NUFIP1: variants seen among roughly 807,000 people sequenced by gnomAD.
NUFIP1 encodes nuclear FMR1 interacting protein 1, also known as FMR1-interacting protein NUFIP1.
NUFIP1 carries 38 observed loss-of-function variants against 56.2 expected under a neutral mutation model. That is an observed-to-expected ratio of 0.68 (90% CI 0.52 to 0.89). The LOEUF (loss-of-function observed/expected upper bound fraction) is 0.89. NUFIP1 is among the 40% of genes least tolerant of loss of function. The probability of loss-of-function intolerance (pLI) is 0.00; values close to 1 mark genes in which losing one functional copy is unlikely to be tolerated. For missense variants in NUFIP1, 567 were observed against 605.8 expected (o/e 0.94, Z 0.67); for synonymous variants, 215 against 212.4 (o/e 1.01, Z -0.10).
rs952274094 is a variant in NUFIP1, at chr13:44,979,978, A to T, written c.595-26T>A. On this transcript the variant is annotated intron_variant, in intron 3 of 9. Coordinates refer to ENST00000379161, the MANE Select transcript of NUFIP1 (RefSeq NM_012345.3). ...CTATGAGTTTTTAAAAGAAAAAAAAAACTATTTAACAAATGTTTTCCATGT... is the reference window on the plus strand; with the variant it reads ...CTATGAGTTTTTAAAAGAAAAAAAATACTATTTAACAAATGTTTTCCATGT... 6 of 1,543,962 alleles carry T rather than the reference A, an allele frequency of 3.9e-6. No individual in the cohort carries two copies. In the East Asian group the frequency reaches 1.3e-4, roughly 35 times the overall value.
At chr13:44,949,673 G>A (rs969719253) in intron 8 of NUFIP1, 49 bp downstream of exon 8, 1 of 1,195,012 alleles carries the variant, frequency 8.4e-7, no homozygotes, top group Non-Finnish European at 1.2e-6. Context: ...TGCACAAAAG[G>A]CAAAAAGCAA....
intron 4 of NUFIP1, 82 bp downstream of exon 4, chr13:44,979,808 G>A: frequency 1.1e-6 from 1 of 951,666 alleles, no homozygotes; most frequent in East Asian, 2.5e-5. Flanking sequence ...CTATTATTAG[G>A]TATATAAATA....
At chr13:44,953,805 T>C (rs1275478264) in intron 7 of NUFIP1, among the ~76,000 whole-genome samples, 2 of 152,194 alleles carry the variant, frequency 1.3e-5, no homozygotes, top group Non-Finnish European at 2.9e-5. Context: ...GTGCTAGGTA[T>C]ACTTGTTCCT....
intron 5 of NUFIP1, among the ~76,000 whole-genome samples, chr13:44,973,059 T>A (rs746377797): frequency 2.0e-5 from 3 of 152,260 alleles, no homozygotes; most frequent in Non-Finnish European, 4.4e-5. Context: ...TCAGGAACTT[T>A]AAATAAATAC....
chr13:44,984,964 G>C (rs1228532348), intron 1 of NUFIP1, among the ~76,000 whole-genome samples: 2 of 152,046 alleles, frequency 1.3e-5, no homozygotes, highest in African/African-American at 4.8e-5. Flanking sequence ...GTGGTGTTTG[G>C]TTTTCTGTCC....
At chr13:44,967,580 G>A (rs2137911476) in intron 5 of NUFIP1, among the ~76,000 whole-genome samples, 1 of 152,238 alleles carries the variant, frequency 6.6e-6, no homozygotes, top group African/African-American at 2.4e-5. Context: ...CACAGTTACA[G>A]GCAATCAGAC....
intron 6 of NUFIP1, among the ~76,000 whole-genome samples, chr13:44,961,065 A>G (rs1348311151): frequency 6.6e-6 from 1 of 151,788 alleles, no homozygotes; most frequent in Non-Finnish European, 1.5e-5. Flanking sequence ...AAAAAAAAAA[A>G]AAAAAAAGAA....
intron 8 of NUFIP1, among the ~76,000 whole-genome samples, chr13:44,947,799 T>G (rs920335387): frequency 1.3e-5 from 2 of 152,180 alleles, no homozygotes; most frequent in Non-Finnish European, 2.9e-5. Context: ...TAATATGTGT[T>G]TAAAGAATAA....
chr13:44,949,854 G>A lies in NUFIP1; in HGVS notation c.1022-16C>T. The A allele has an allele frequency of 7.4e-7, 1 of 1,345,888 alleles. No homozygotes were observed. The highest frequency in any genetic ancestry group is 1.1e-6 in the Non-Finnish European group (1 of 937,838). The allele number at this position is 1,345,888 out of a possible 1,614,324, so 83.4% of individuals were successfully genotyped here. A position where few individuals can be genotyped will look rare whatever the true frequency, so the allele number is the denominator to read the frequency against. On this transcript the variant is annotated splice_polypyrimidine_tract_variant and intron_variant, in intron 7 of 9. Transcript: ENST00000379161. ...TTATCAGACTCTGAAGGGAAAAGAA[G>A]TCAGATTCAAAACATCTACCACCAT...
chr13:44,960,295 G>C (rs1251661125), intron 6 of NUFIP1, among the ~76,000 whole-genome samples: 2 of 145,828 alleles, frequency 1.4e-5, no homozygotes, highest in Non-Finnish European at 3.0e-5. Context: ...TTGAGACGGA[G>C]TCTCACTCTG....
At chr13:44,982,647 C>A (rs1363838279) in intron 1 of NUFIP1, among the ~76,000 whole-genome samples, 3 of 151,216 alleles carry the variant, frequency 2.0e-5, no homozygotes, top group Non-Finnish European at 4.4e-5. Flanking sequence ...CCTCTTCCAA[C>A]AAACCTTACA....
chr13:44,989,419 A>G lies in NUFIP1; in HGVS notation c.18T>C (p.Ser6=). ...GCCACCCGATAGGAGTCTCGAAATC[A>G]CTAGTCGGCTCAGCCATACCACTGG... is the stretch of plus-strand genomic sequence containing the variant. MAEPT[S]DFETPIGWHA... The change falls in exon 1 of 10, where the codon AGT becomes AGC. Residue 6 remains serine (S), a synonymous_variant. Transcript: ENST00000379161. 1 of 1,613,442 alleles carries G rather than the reference A, an allele frequency of 6.2e-7. No homozygotes were observed. Among genetic ancestry groups the G allele is most frequent in the Non-Finnish European group, 8.5e-7 (1 of 1,179,796 alleles).
intron 5 of NUFIP1, among the ~76,000 whole-genome samples, chr13:44,977,537 G>A (rs915063116): frequency 2.0e-5 from 3 of 152,138 alleles, no homozygotes; most frequent in African/African-American, 4.8e-5. Flanking sequence ...CTGACATAGA[G>A]GTGGTGAAAA....
intron 6 of NUFIP1, among the ~76,000 whole-genome samples, chr13:44,963,344 C>A (rs576312759): frequency 1.2e-4 from 18 of 152,256 alleles, no homozygotes; most frequent in African/African-American, 4.1e-4. Flanking sequence ...ATTGTTGCTA[C>A]TTTATAGAAA....
chr13:44,941,499 G>C (rs944421448), intron 9 of NUFIP1, among the ~76,000 whole-genome samples, 177 bp from the exon 10 acceptor site: 6 of 152,086 alleles, frequency 3.9e-5, no homozygotes, highest in African/African-American at 1.4e-4. Context: ...TTTATATCAA[G>C]ACTATCTAGC....
chr13:44,951,016 A>G (rs1365584294), intron 7 of NUFIP1, among the ~76,000 whole-genome samples: 2 of 152,218 alleles, frequency 1.3e-5, no homozygotes, highest in African/African-American at 4.8e-5. Context: ...ATATCTTTCT[A>G]TGTGAATGTT....
chr13:44,976,371 A>G (rs183850329), intron 5 of NUFIP1, among the ~76,000 whole-genome samples: 1 of 151,278 alleles, frequency 6.6e-6, no homozygotes, highest in African/African-American at 2.4e-5. Context: ...GAGGAGGAGG[A>G]GGCGAAGGTG....
At chr13:44,966,507 G>GT (rs1481806893) in intron 5 of NUFIP1, among the ~76,000 whole-genome samples, 2 of 151,730 alleles carry the variant, frequency 1.3e-5, no homozygotes, top group African/African-American at 4.8e-5. Context: ...TAGAGATGGG[G>GT]TTTCACCATG....
At chr13:44,943,220 A>G (rs1870801523) in intron 9 of NUFIP1, among the ~76,000 whole-genome samples, 1 of 152,174 alleles carries the variant, frequency 6.6e-6, no homozygotes, top group African/African-American at 2.4e-5. Context: ...TGAAACCTAA[A>G]TTTATTTTAA....
Sources: gnomAD v4.1 joint callset for allele counts (sites outside exome capture counted in the v4.1 genomes callset) on GRCh38, gnomAD v4.1.1 for gene constraint, MANE v1.5 for transcripts, NCBI Gene and HGNC (gene_info 2026-07-23, HGNC 2026-07-21) for gene names.